Variants in HEXD observed in about 807,000 individuals in gnomAD.
HEXD encodes hexosaminidase D.
Under a neutral mutation model 54.2 loss-of-function variants are expected in HEXD, and 47 were observed. The ratio of observed to expected loss-of-function variants is 0.87; its 90% CI spans 0.69 to 1.11. HEXD has a LOEUF of 1.11. Among genes scored for constraint, HEXD ranks in the 50% least tolerant of loss-of-function variants. HEXD has a pLI of 0.00. For synonymous variants in HEXD, 293 were observed against 287.6 expected (o/e 1.02, Z -0.19); for missense variants, 576 against 649.2 (o/e 0.89, Z 1.23).
At chr17:82,441,109 TC>T (rs768018017) in intron 10 of HEXD, 34 bp downstream of exon 10, 1 of 1,613,274 alleles carries the variant, frequency 6.2e-7, no homozygotes, top group African/African-American at 1.3e-5. Context: ...GTCCCCTTCT[TC>T]CCCTCCCCTT....
intron 3 of HEXD, chr17:82,426,341 C>G (rs932633938): frequency 1.3e-5 from 2 of 151,634 alleles, no homozygotes; most frequent in Non-Finnish European, 1.5e-5. Context: ...TCGGGATGTT[C>G]CTGGGCCGTG....
At chr17:82,433,269 C>T in intron 4 of HEXD, among the ~76,000 whole-genome samples, 1 of 150,408 alleles carries the variant, frequency 6.6e-6, no homozygotes. Flanking sequence ...TAGTGAAACG[C>T]CATCTCTACT....
chr17:82,436,976 C>T (rs930548227), intron 7 of HEXD, 192 bp from the exon 8 acceptor site: 4 of 654,234 alleles, frequency 6.1e-6, no homozygotes, highest in East Asian at 2.7e-5. Flanking sequence ...CCAGGGGCCA[C>T]GTACACTCTG....
intron 8 of HEXD, among the ~76,000 whole-genome samples, chr17:82,437,581 G>A (rs8069111): frequency 0.23 from 34,590 of 152,184 alleles, 4,625 homozygotes; most frequent in East Asian, 0.66. Flanking sequence ...TCACGAACAC[G>A]TGGCCCCCAG....
chr17:82,439,831 C>T (rs769748979), intron 9 of HEXD, 118 bp downstream of exon 9: 36 of 1,575,934 alleles, frequency 2.3e-5, no homozygotes, highest in Middle Eastern at 3.3e-4. Flanking sequence ...TCCTCACAGT[C>T]GGAGGATGGT....
In HEXD at chr17:82,418,476, G is replaced by A; in HGVS notation, c.-316G>A. The A allele has an allele frequency of 2.0e-6, 3 of 1,465,350 alleles. No homozygotes were observed. The highest frequency in any genetic ancestry group is 2.7e-6 in the Non-Finnish European group (3 of 1,113,516). 90.8% of individuals were successfully genotyped at this position (1,465,350 alleles called of 1,614,324 possible). On this transcript the variant is annotated 5_prime_UTR_variant, in exon 1 of 13. Transcript: ENST00000327949. ...GGCGCCTTGGTTGCGGCCCTCCGCT[G>A]AGGAGCCATCGGACCAGGCCGCCGC...
intron 3 of HEXD, chr17:82,425,873 G>A (rs2053398496): frequency 1.3e-5 from 2 of 152,334 alleles, no homozygotes; most frequent in Admixed American, 6.5e-5. Flanking sequence ...GGAGGCCGAG[G>A]TGGGTGGATC....
chr17:82,435,850 C>T lies in HEXD; in HGVS notation c.609C>T (p.Asp203=). 5 of 1,609,342 alleles carry T rather than the reference C, an allele frequency of 3.1e-6. No homozygotes were observed. The highest frequency in any genetic ancestry group is 4.2e-6 in the Non-Finnish European group (5 of 1,178,312). The change falls in exon 6 of 13, where the codon GAC becomes GAT. Residue 203 remains aspartate (D), a synonymous_variant. Transcript: ENST00000327949. ...TGGTGTGGGACGACATGCTCCGAGACCTGCCTGAGGACCAGCTCGCAGGTC... is the reference window on the plus strand; with the variant it reads ...TGGTGTGGGACGACATGCTCCGAGATCTGCCTGAGGACCAGCTCGCAGGTC... ...TPLVWDDMLR[D]LPEDQLAASG... is the part of the protein sequence containing the mutation.
In HEXD at chr17:82,436,736, A is replaced by G. The variant is rs770099768; in HGVS notation, c.701A>G (p.Lys234Arg). The change falls in exon 7 of 13, where the codon AAG (lysine) becomes AGG (arginine). Residue 234 changes from lysine to arginine, a missense_variant and splice_region_variant. Physicochemically the swap from Lys to Arg is conservative, Grantham distance 26. Coordinates refer to ENST00000327949, the MANE Select transcript of HEXD (RefSeq NM_001330542.2). Reference sequence around the variant, plus strand: ...ACGGCCGACCTGGATGTGCACGGCAAGGGTCAGTGCCAAGTTGTGGGGGGT... The same window carrying G: ...ACGGCCGACCTGGATGTGCACGGCAGGGGTCAGTGCCAAGTTGTGGGGGGT... ...DYTADLDVHG[K>R]VLLMQKYRRC... The G allele has an allele frequency of 3.7e-6, 6 of 1,611,858 alleles. No individual in the cohort carries two copies. Among genetic ancestry groups the G allele is most frequent in the Non-Finnish European group, 5.1e-6 (6 of 1,179,250 alleles).
Position 82,433,802 on chromosome 17 carries a change from C to T in HEXD, c.427C>T (p.Leu143=). ...VLELHPGAQR[L]HIGCDEVYYL... The stretch of plus-strand genomic sequence containing the variant: ...GGAGCTACACCCAGGCGCCCAGCGG[C>T]TGCACATCGGGTGTGATGAGGTGGG... The change falls in exon 5 of 13, where the codon CTG becomes TTG. Residue 143 remains leucine, a synonymous_variant. Transcript: ENST00000327949. 1.2e-6 allele frequency: 2 copies of T among 1,612,872 alleles called. No individual in the cohort carries two copies. The highest frequency in any genetic ancestry group is 1.7e-6 in the Non-Finnish European group (2 of 1,179,698).
intron 3 of HEXD, among the ~76,000 whole-genome samples, chr17:82,427,525 T>G (rs1195210108): frequency 6.6e-6 from 1 of 151,916 alleles, no homozygotes; most frequent in Non-Finnish European, 1.5e-5. Flanking sequence ...AATGAGATAA[T>G]CAGGTGCGAT....
chr17:82,442,163 G>A lies in HEXD; in HGVS notation c.1254-14G>A, dbSNP rs765109050. The stretch of plus-strand genomic sequence containing the variant: ...AGTGTGCAGACTGTGCGTTCATGGC[G>A]CCCTCACCTGCAGCCTCCTGGCACA... On this transcript the variant is annotated splice_polypyrimidine_tract_variant and intron_variant, in intron 12 of 12. Coordinates refer to ENST00000327949, the MANE Select transcript of HEXD (RefSeq NM_001330542.2). This position sits in a 1 kb window ranked among gnomAD's most constrained non-coding sequence, Gnocchi z 6.8. 3.0e-5 allele frequency: 47 copies of A among 1,590,010 alleles called. No individual in the cohort carries two copies. The highest frequency in any genetic ancestry group is 3.8e-5 in the Non-Finnish European group (45 of 1,171,188).
chr17:82,419,638 A>G (rs2053172129), intron 1 of HEXD, 111 bp from the exon 2 acceptor site: 1 of 521,894 alleles, frequency 1.9e-6, no homozygotes, highest in African/African-American at 2.0e-5. Context: ...AGTTTCCTCC[A>G]AGTTAATCTA....
chr17:82,436,040 C>T (rs1336684154), intron 6 of HEXD, among the ~76,000 whole-genome samples, 168 bp downstream of exon 6: 1 of 152,254 alleles, frequency 6.6e-6, no homozygotes, highest in Non-Finnish European at 1.5e-5. Context: ...TGAGTCGTTT[C>T]CCTAGAAGCT....
chr17:82,422,451 C>G (rs566709089), intron 2 of HEXD, among the ~76,000 whole-genome samples: 1 of 149,154 alleles, frequency 6.7e-6, no homozygotes, highest in African/African-American at 2.5e-5. Context: ...GAGCCAAGAT[C>G]GTGCCACTGC....
At chr17:82,439,573 C>T in intron 8 of HEXD, 58 bp from the exon 9 acceptor site, 1 of 1,501,306 alleles carries the variant, frequency 6.7e-7, no homozygotes, top group Non-Finnish European at 8.9e-7. Context: ...AGTCAGGGCG[C>T]CTGCGTCAGG....
rs775910791 is a variant in HEXD, at chr17:82,441,091, C to T, written c.1061+16C>T. ...ACCCTGTTAGGCAAGCACCCTGCAG[C>T]CCTCCCTGTCCCCTTCTTCCCCTCC... is the stretch of plus-strand genomic sequence containing the variant. On this transcript the variant is annotated intron_variant, in intron 10 of 12. Coordinates refer to ENST00000327949, the MANE Select transcript of HEXD (RefSeq NM_001330542.2). 4 of 1,613,530 alleles carry T rather than the reference C, an allele frequency of 2.5e-6. No individual in the cohort carries two copies. In the South Asian group the frequency reaches 3.3e-5, roughly 13 times the overall value.
intron 2 of HEXD, among the ~76,000 whole-genome samples, chr17:82,421,261 T>C (rs2053227542): frequency 6.6e-6 from 1 of 151,816 alleles, no homozygotes. Context: ...GGCCCAAGGC[T>C]GCAAAACTCT....
At position 82,435,781 on chromosome 17, in the gene HEXD, G is replaced by A. The variant is rs770200214; in HGVS notation, c.540G>A (p.Ala180=). The A allele has an allele frequency of 2.2e-5, 36 of 1,612,758 alleles. No individual in the cohort carries two copies. In the African/African-American group the frequency reaches 3.1e-4, roughly 14 times the overall value. Residue 180 remains alanine (A), a synonymous_variant, in exon 6 of 13, where the codon GCG becomes GCA. Coordinates refer to ENST00000327949, the MANE Select transcript of HEXD (RefSeq NM_001330542.2). Reference sequence around the variant, plus strand: ...AGTTGTGCCTGTCACACATGCGGGCGGTGGCCAGCGGCGTGAAGGCCCGGC... The same window carrying A: ...AGTTGTGCCTGTCACACATGCGGGCAGTGGCCAGCGGCGTGAAGGCCCGGC... ...TGKLCLSHMR[A]VASGVKARRP...
Sources: allele counts gnomAD v4.1 joint callset (sites outside exome capture counted in the v4.1 genomes callset), GRCh38; gene constraint gnomAD v4.1.1; non-coding constraint Gnocchi (gnomAD v3.1); transcripts MANE v1.5; gene names NCBI Gene and HGNC (gene_info 2026-07-23, HGNC 2026-07-21).